The following IL3RA variants were observed in gnomAD, a reference collection of about 807,000 sequenced individuals.
The protein encoded by IL3RA is interleukin-3 receptor subunit alpha.
In IL3RA, 73 loss-of-function variants were observed where a neutral mutation model predicts 52.3. The observed-to-expected ratio is 1.40, with a 90% CI of 1.16 to 1.70. The LOEUF (loss-of-function observed/expected upper bound fraction) is 1.70, where lower values mean the gene tolerates loss of function less well. IL3RA is among the 40% of genes most tolerant of loss of function. The pLI, the probability that IL3RA is intolerant of heterozygous loss-of-function variation, is 0.00. For missense variants in IL3RA, 664 were observed against 504.4 expected (o/e 1.32, Z -3.03); for synonymous variants, 260 against 194.0 (o/e 1.34, Z -2.83).
Position 1,348,676 on chromosome X carries a change from TTC to T in IL3RA, c.298+133_298+134del, listed in dbSNP as rs1326700462. On this transcript the variant is annotated intron_variant, in intron 4 of 11. Transcript: ENST00000331035. ...TTTCTTTCTTTCTTTCTTTCTTTCT[TTC>T]TTTCTTTCTTTCTTTTTCTTTCTTT... The T allele has an allele frequency of 5.7e-4, 224 of 396,250 alleles. 2 individuals are homozygous for T. Among genetic ancestry groups the T allele is most frequent in the East Asian group, 4.3e-3 (136 of 31,772 alleles). 24.5% of individuals were successfully genotyped at this position (396,250 alleles called of 1,614,324 possible).
In IL3RA at chrX:1,368,086, G is replaced by C. The variant is rs192081303; in HGVS notation, c.874+2834G>C. Among the ~76,000 whole-genome samples the C allele has an allele frequency of 8.6e-3, 1,314 of 152,060 alleles. 7 individuals are homozygous for C. The highest frequency in any genetic ancestry group is 0.015 in the Non-Finnish European group (993 of 67,970). ...CATCCCGGCTAACACGGTGAAACCCGGTCTCTACAAAAAATGTAACAAATT... is the reference window on the plus strand; with the variant it reads ...CATCCCGGCTAACACGGTGAAACCCCGTCTCTACAAAAAATGTAACAAATT... On this transcript the variant is annotated intron_variant, in intron 9 of 11. Coordinates refer to ENST00000331035, the MANE Select transcript of IL3RA (RefSeq NM_002183.4).
chrX:1,377,768 C>G (rs1212307057), intron 9 of IL3RA, among the ~76,000 whole-genome samples: 1 of 148,560 alleles, frequency 6.7e-6, no homozygotes, highest in African/African-American at 2.5e-5. Flanking sequence ...TGGGCTCAAG[C>G]GATCCTCTCG....
intron 9 of IL3RA, among the ~76,000 whole-genome samples, chrX:1,377,887 GAAAA>G (rs1174493799): frequency 1.4e-5 from 2 of 144,758 alleles, no homozygotes; most frequent in African/African-American, 5.1e-5. Context: ...AAAAAAAAAA[GAAAA>G]AAGAAAAAAA....
At chrX:1,352,821 C>T (rs17881263) in intron 6 of IL3RA, among the ~76,000 whole-genome samples, 106,854 of 140,920 alleles carry the variant, frequency 0.76, 41,053 homozygotes, top group African/African-American at 0.86. Flanking sequence ...GGATCCCTCA[C>T]CATGGGTCAT....
chrX:1,358,570 A>G (rs1327188467), intron 7 of IL3RA, among the ~76,000 whole-genome samples: 2 of 152,194 alleles, frequency 1.3e-5, no homozygotes, highest in Non-Finnish European at 2.9e-5. Context: ...GAGGCAAAAG[A>G]ATCACTTGAA....
chrX:1,340,782 C>T (rs770230981), intron 1 of IL3RA, among the ~76,000 whole-genome samples: 19 of 152,068 alleles, frequency 1.2e-4, no homozygotes, highest in African/African-American at 4.1e-4. Context: ...GGCAGGAGTC[C>T]GAGACCAGCC....
intron 9 of IL3RA, among the ~76,000 whole-genome samples, chrX:1,368,726 G>A (rs757460359): frequency 6.2e-4 from 93 of 150,118 alleles, no homozygotes; most frequent in South Asian, 1.9e-3. Flanking sequence ...AGAAGACGGC[G>A]TCTCCAAGCC....
rs771101606 is a variant in IL3RA, at chrX:1,345,947, G to A, written c.183+513G>A. Among the ~76,000 whole-genome samples, 371 of 152,120 alleles carry A rather than the reference G, an allele frequency of 2.4e-3. 2 individuals carry two copies. Among genetic ancestry groups the A allele is most frequent in the Non-Finnish European group, 3.2e-3 (218 of 68,020 alleles). ...TTGGAGGGTCTGGTTCCCCGTCCGCGGGACATCTAAGATGGCACACACTGG... is the reference window on the plus strand; with the variant it reads ...TTGGAGGGTCTGGTTCCCCGTCCGCAGGACATCTAAGATGGCACACACTGG... On this transcript the variant is annotated intron_variant, in intron 3 of 11. Transcript: ENST00000331035.
chrX:1,341,769 G>A lies in IL3RA; in HGVS notation c.4G>A (p.Val2Ile), dbSNP rs746914292. 3.1e-6 allele frequency: 5 copies of A among 1,613,910 alleles called. No homozygotes were observed. Among genetic ancestry groups the A allele is most frequent in the Non-Finnish European group, 4.2e-6 (5 of 1,179,874 alleles). Reference protein sequence around the residue: MVLLWLTLLLIA... With the variant: MILLWLTLLLIA... ...GCGTTCCGGAGCTGCGTTCCCGATG[G>A]TCCTCCTTTGGCTCACGCTGCTCCT... Residue 2 changes from valine (V) to isoleucine (I), a missense_variant, in exon 2 of 12, where the codon GTC (valine) becomes ATC (isoleucine). Physicochemically the swap from Val to Ile is conservative, Grantham distance 29. Coordinates refer to ENST00000331035, the MANE Select transcript of IL3RA (RefSeq NM_002183.4).
rs200931543 is a variant in IL3RA at position 1,341,853 on chromosome X, C to T, written c.64+24C>T. The T allele has an allele frequency of 1.5e-5, 24 of 1,612,504 alleles. No homozygotes were observed. The East Asian group carries it at 2.0e-4, about 13-fold the overall frequency. ...AGGTAAGAACTGGAGAAAAAATGCA[C>T]GTGCCACCTGGGGAGCGGTGGGGGT... On this transcript the variant is annotated intron_variant, in intron 2 of 11. Transcript: ENST00000331035.
intron 1 of IL3RA, among the ~76,000 whole-genome samples, chrX:1,339,293 G>T (rs2085402810): frequency 6.6e-6 from 1 of 152,182 alleles, no homozygotes; most frequent in Non-Finnish European, 1.5e-5. Flanking sequence ...AGACTCTAGA[G>T]ATTGCCTGTT....
chrX:1,353,567 T>C (rs2086305155), intron 6 of IL3RA, among the ~76,000 whole-genome samples: 1 of 143,078 alleles, frequency 7.0e-6, no homozygotes, highest in Non-Finnish European at 1.5e-5. Flanking sequence ...TCCCCCATCA[T>C]AGGTCCCATC....
intron 11 of IL3RA, 81 bp downstream of exon 11, chrX:1,381,185 G>A: frequency 5.6e-6 from 7 of 1,245,562 alleles, no homozygotes; most frequent in Non-Finnish European, 8.3e-6. Flanking sequence ...GACCACTTGA[G>A]GCCAGGAACT....
At chrX:1,344,286 T>A (rs1463917825) in intron 2 of IL3RA, among the ~76,000 whole-genome samples, 3 of 150,570 alleles carry the variant, frequency 2.0e-5, no homozygotes, top group South Asian at 2.1e-4. Context: ...ATACAAAAAT[T>A]AGCCGAGTGT....
intron 2 of IL3RA, among the ~76,000 whole-genome samples, chrX:1,343,604 T>C (rs1223922361): frequency 7.0e-6 from 1 of 142,704 alleles, no homozygotes; most frequent in African/African-American, 2.6e-5. Context: ...GAGGCGGAGG[T>C]TGCCGTGAGC....
At chrX:1,339,198 G>A (rs2085400358) in intron 1 of IL3RA, among the ~76,000 whole-genome samples, 2 of 152,090 alleles carry the variant, frequency 1.3e-5, no homozygotes, top group Admixed American at 1.3e-4. Flanking sequence ...TCTGACTCAG[G>A]CATCTTCCTG....
intron 7 of IL3RA, 27 bp downstream of exon 7, chrX:1,356,363 C>A: frequency 6.9e-7 from 1 of 1,459,420 alleles, no homozygotes; most frequent in Middle Eastern, 1.9e-4. Flanking sequence ...CCCCCAGCCC[C>A]CCCACCCCCG....
Position 1,382,525 on chromosome X carries a change from G to GGCC in IL3RA, c.*60_*61insGCC. 6.8e-7 allele frequency: 1 copy of GGCC among 1,468,714 alleles called. No homozygotes were observed. The highest frequency in any genetic ancestry group is 9.5e-7 in the Non-Finnish European group (1 of 1,047,496). The allele number at this position is 1,468,714 out of a possible 1,614,324, so 91.0% of individuals were successfully genotyped here. On this transcript the variant is annotated 3_prime_UTR_variant, in exon 12 of 12. Transcript: ENST00000331035. ...ATCTCCCTGGCCGGGCCAGGCGCCT[G>GGCC]CACAGACTGGCTGCTGGACCTGCGC... is the stretch of plus-strand genomic sequence containing the variant.
chrX:1,350,785 G>C (rs1254523600), intron 4 of IL3RA, among the ~76,000 whole-genome samples: 1 of 151,046 alleles, frequency 6.6e-6, no homozygotes, highest in Non-Finnish European at 1.5e-5. Context: ...TGCAGTCCCA[G>C]CTACTCAGGA....
Sources: gnomAD v4.1 joint callset for allele counts (sites outside exome capture counted in the v4.1 genomes callset) on GRCh38, gnomAD v4.1.1 for gene constraint, MANE v1.5 for transcripts, NCBI Gene and HGNC (gene_info 2026-07-23, HGNC 2026-07-21) for gene names.